The following SUN3 variants were observed in gnomAD, a reference collection of about 807,000 sequenced individuals.
SUN3 encodes SUN domain-containing protein 3.
SUN3 carries 36 observed loss-of-function variants against 48.2 expected under a neutral mutation model. The ratio of observed to expected loss-of-function variants is 0.75; its 90% confidence interval spans 0.57 to 0.99. The LOEUF (loss-of-function observed/expected upper bound fraction) is 0.99, where lower values mean the gene tolerates loss of function less well. SUN3 is among the 50% of genes least tolerant of loss of function. SUN3 has a pLI of 0.00. For synonymous variants in SUN3, 148 were observed against 147.9 expected (o/e 1.00, Z 0.00); for missense variants, 419 against 433.1 (o/e 0.97, Z 0.29).
chr7:47,997,022 G>T (rs991797520), intron 6 of SUN3, among the ~76,000 whole-genome samples: 8 of 151,976 alleles, frequency 5.3e-5, no homozygotes, highest in African/African-American at 1.9e-4. Context: ...GGATGGTCTC[G>T]ATCTCTTGAC....
At chr7:48,012,809 G>A (rs2128779083) in intron 3 of SUN3, among the ~76,000 whole-genome samples, 1 of 152,258 alleles carries the variant, frequency 6.6e-6, no homozygotes, top group Admixed American at 6.5e-5. Context: ...GGTCTTTTGG[G>A]GAGTGATTAA....
At chr7:47,989,182 A>G (rs963603803) in intron 8 of SUN3, among the ~76,000 whole-genome samples, 4 of 152,260 alleles carry the variant, frequency 2.6e-5, no homozygotes, top group Non-Finnish European at 5.9e-5. Context: ...ATTGACAAAC[A>G]GCTGATAGAT....
intron 2 of SUN3, among the ~76,000 whole-genome samples, chr7:48,022,023 G>A (rs1360246474): frequency 2.0e-5 from 3 of 152,080 alleles, no homozygotes; most frequent in African/African-American, 4.8e-5. Flanking sequence ...CAACCTAAGT[G>A]TCCATCAGCA....
intron 3 of SUN3, among the ~76,000 whole-genome samples, chr7:48,010,189 C>T (rs1789645975): frequency 6.6e-6 from 1 of 152,150 alleles, no homozygotes; most frequent in South Asian, 2.1e-4. Context: ...CACACATGCA[C>T]AGCCCCTATT....
At chr7:48,012,184 C>A (rs1369252965) in intron 3 of SUN3, among the ~76,000 whole-genome samples, 1 of 152,166 alleles carries the variant, frequency 6.6e-6, no homozygotes, top group African/African-American at 2.4e-5. Context: ...GTGAAAATGT[C>A]CAGAGCACTC....
At chr7:48,008,910 T>A in intron 4 of SUN3, 125 bp downstream of exon 4, 2 of 781,528 alleles carry the variant, frequency 2.6e-6, no homozygotes, top group Admixed American at 4.8e-5. Flanking sequence ...TAATAGTTAT[T>A]TCTGGGAGTG....
chr7:48,026,581 A>AACACACACACACACACACACAC (rs112192395), intron 1 of SUN3, among the ~76,000 whole-genome samples: 9 of 145,628 alleles, frequency 6.2e-5, no homozygotes, highest in African/African-American at 2.0e-4. Context: ...CCCACCCCCC[A>AACACACACACACACACACACAC]ACACACACAC....
intron 6 of SUN3, among the ~76,000 whole-genome samples, chr7:48,003,141 G>A (rs988281846): frequency 6.6e-6 from 1 of 152,050 alleles, no homozygotes; most frequent in African/African-American, 2.4e-5. Flanking sequence ...CATATGGCTA[G>A]CCAGTTATTC....
At chr7:47,990,114 T>C (rs1789012149) in intron 8 of SUN3, among the ~76,000 whole-genome samples, 1 of 151,652 alleles carries the variant, frequency 6.6e-6, no homozygotes, top group Non-Finnish European at 1.5e-5. Context: ...CTGAGGAGGA[T>C]CAGTAAAAGA....
intron 8 of SUN3, among the ~76,000 whole-genome samples, chr7:47,991,596 A>AAAAAC (rs139889751): frequency 2.8e-4 from 42 of 151,278 alleles, no homozygotes; most frequent in Admixed American, 1.9e-3. Context: ...AGTAAAACCA[A>AAAAAC]AAAACAAAAC....
intron 2 of SUN3, among the ~76,000 whole-genome samples, chr7:48,017,917 C>T (rs1259352110): frequency 6.6e-6 from 1 of 152,136 alleles, no homozygotes; most frequent in Non-Finnish European, 1.5e-5. Flanking sequence ...CGAAGCCCAA[C>T]TGGGACAAAG....
At chr7:48,005,908 G>A (rs1789511769) in intron 6 of SUN3, 61 bp downstream of exon 6, 3 of 1,098,686 alleles carry the variant, frequency 2.7e-6, no homozygotes, top group Admixed American at 4.3e-5. Context: ...TAGAGAATAG[G>A]GACATTCCTG....
At chr7:47,993,014 G>A (rs1789110016) in intron 8 of SUN3, among the ~76,000 whole-genome samples, 1 of 151,852 alleles carries the variant, frequency 6.6e-6, no homozygotes, top group Admixed American at 6.6e-5. Flanking sequence ...ACAATCCCAC[G>A]AGTTTGAAGT....
chr7:48,017,430 A>G, intron 2 of SUN3, 65 bp from the exon 3 acceptor site: 1 of 858,210 alleles, frequency 1.2e-6, no homozygotes, highest in Non-Finnish European at 1.9e-6. Flanking sequence ...TTTTACATGT[A>G]TTCATAAGAA....
chr7:48,028,479 CAAAAAAAAAAAAAAAAA>C (rs55997019), intron 1 of SUN3, among the ~76,000 whole-genome samples: 2 of 45,232 alleles, frequency 4.4e-5, no homozygotes, highest in Admixed American at 3.7e-4. Context: ...AGCCCAATGA[CAAAAAAAAAAAAAAAAA>C]AAAAAAAAAA....
intron 2 of SUN3, among the ~76,000 whole-genome samples, chr7:48,022,198 T>C (rs1583780931): frequency 6.6e-6 from 1 of 152,054 alleles, no homozygotes; most frequent in African/African-American, 2.4e-5. Context: ...TCTCAATTAT[T>C]TGTGGGAGCT....
In SUN3 at chr7:47,987,190, C is replaced by T. The variant is rs541099503; in HGVS notation, c.*140G>A. 1.2e-5 allele frequency: 9 copies of T among 781,350 alleles called. No homozygotes were observed. The highest frequency in any genetic ancestry group is 2.6e-4 in the Middle Eastern group (1 of 3,890). 48.4% of individuals were successfully genotyped at this position (781,350 alleles called of 1,614,324 possible). ...TTTTTTTATTAGTAAAATGCATTTA[C>T]TTTTTACAGGCAAGTATGAACCACT... On this transcript the variant is annotated 3_prime_UTR_variant, in exon 10 of 10. Coordinates refer to ENST00000297325, the MANE Select transcript of SUN3 (RefSeq NM_001030019.2).
At chr7:48,031,518 T>C (rs1243641333), upstream of SUN3, among the ~76,000 whole-genome samples, 1 of 152,000 alleles carries the variant, frequency 6.6e-6, no homozygotes, top group Non-Finnish European at 1.5e-5. Context: ...ATTGTTAATC[T>C]TAAAACAAAC....
chr7:48,025,573 T>A (rs779926941), intron 2 of SUN3, among the ~76,000 whole-genome samples: 3 of 152,218 alleles, frequency 2.0e-5, no homozygotes, highest in Non-Finnish European at 2.9e-5. Context: ...GTAAAATGTA[T>A]GTTTGCAATA....
Sources: gnomAD v4.1 joint callset for allele counts (sites outside exome capture counted in the v4.1 genomes callset) on GRCh38, gnomAD v4.1.1 for gene constraint, MANE v1.5 for transcripts, NCBI Gene and HGNC (gene_info 2026-07-23, HGNC 2026-07-21) for gene names.